The following CPSF6 variants were observed in gnomAD, a reference collection of about 807,000 sequenced individuals.
CPSF6 encodes the protein cleavage and polyadenylation specific factor 6.
CPSF6 carries 10 observed loss-of-function variants against 56.7 expected under a neutral mutation model. That is an observed-to-expected ratio of 0.18 (90% CI 0.11 to 0.30). The LOEUF is 0.30. CPSF6 is among the 10% of genes least tolerant of loss of function. CPSF6 has a pLI of 1.00. For missense variants in CPSF6, 419 were observed against 722.9 expected (o/e 0.58, Z 4.82); for synonymous variants, 248 against 244.8 (o/e 1.01, Z -0.12).
Position 69,274,109 on chromosome 12 carries a change from C to CTTTTTTTTT in CPSF6, c.*4611_*4619dup, listed in dbSNP as rs3051104. The CTTTTTTTTT allele has an allele frequency of 9.2e-4, 109 of 119,006 alleles. 3 individuals carry two copies. The highest frequency in any genetic ancestry group is 1.2e-3 in the Non-Finnish European group (69 of 58,898). The allele number at this position is 119,006 out of a possible 1,614,324, so 7.4% of individuals were successfully genotyped here. On this transcript the variant is annotated 3_prime_UTR_variant, in exon 10 of 10. Transcript: ENST00000435070. ...GTAAGGTGATAATTGATCTAATAGACTTTTTTTTTTTTTTTTTTGCTGTCC... is the reference window on the plus strand; with the variant it reads ...GTAAGGTGATAATTGATCTAATAGACTTTTTTTTTTTTTTTTTTTTTTTTTTTGCTGTCC...
rs2231694 is a variant in CPSF6 at position 69,257,597 on chromosome 12, T to A, written c.521-135T>A. The A allele has an allele frequency of 4.0e-5, 29 of 732,708 alleles. No homozygotes were observed. In the Admixed American group the frequency reaches 7.5e-4, roughly 19 times the overall value. The allele number at this position is 732,708 out of a possible 1,614,324, so 45.4% of individuals were successfully genotyped here. On this transcript the variant is annotated intron_variant, in intron 4 of 9. Coordinates refer to ENST00000435070, the MANE Select transcript of CPSF6 (RefSeq NM_007007.3). Reference sequence around the variant, plus strand: ...GTGAATGTTTTCCTAAACCATACTTTCTTATGTAGTTTGCATAGGCACAAG... The same window carrying A: ...GTGAATGTTTTCCTAAACCATACTTACTTATGTAGTTTGCATAGGCACAAG...
intron 2 of CPSF6, 121 bp downstream of exon 2, chr12:69,251,459 G>C: frequency 1.6e-6 from 1 of 616,778 alleles, no homozygotes. Context: ...ATATGTGTTT[G>C]CTTGTCCAAT....
chr12:69,261,414 AAAT>A (rs943251452), intron 8 of CPSF6, among the ~76,000 whole-genome samples: 13 of 151,324 alleles, frequency 8.6e-5, no homozygotes, highest in African/African-American at 3.0e-4. Flanking sequence ...AAAATTTTAA[AAAT>A]ATCTGGGCCT....
chr12:69,255,853 A>G (rs1872486667), intron 3 of CPSF6, among the ~76,000 whole-genome samples: 1 of 151,994 alleles, frequency 6.6e-6, no homozygotes, highest in African/African-American at 2.4e-5. Context: ...CATCTTTAAT[A>G]CTTGTCTTTT....
intron 2 of CPSF6, 146 bp downstream of exon 2, chr12:69,251,484 A>C (rs976279137): frequency 1.9e-6 from 1 of 536,274 alleles, no homozygotes; most frequent in Non-Finnish European, 3.2e-6. Context: ...AGGGAAATAC[A>C]AATATCTTTG....
In CPSF6 at chr12:69,239,572, A is replaced by T. The variant is rs897732534; in HGVS notation, c.-75A>T. On this transcript the variant is annotated 5_prime_UTR_variant, in exon 1 of 10. Transcript: ENST00000435070. ...ACGCAAGCGCCCCCCCACCGCCGCT[A>T]GATCCGCTGCTGCTGCCGCGGCGGG... is the stretch of plus-strand genomic sequence containing the variant. 13 of 1,496,240 alleles carry T rather than the reference A, an allele frequency of 8.7e-6. No homozygotes were observed. The highest frequency in any genetic ancestry group is 1.2e-5 in the Non-Finnish European group (13 of 1,120,210). The allele number at this position is 1,496,240 out of a possible 1,614,324, so 92.7% of individuals were successfully genotyped here.
At chr12:69,249,153 G>GGGGGGC (rs1555167630) in intron 1 of CPSF6, among the ~76,000 whole-genome samples, 3 of 25,930 alleles carry the variant, frequency 1.2e-4, no homozygotes, top group African/African-American at 3.1e-4. Context: ...CCAGCTACTC[G>GGGGGGC]GGGGGGGGGG....
At chr12:69,257,953 CCTCTTTTCCTTTTCT>C in intron 5 of CPSF6, 48 bp downstream of exon 5, 1 of 1,585,962 alleles carries the variant, frequency 6.3e-7, no homozygotes, top group Non-Finnish European at 8.6e-7. Context: ...CTACCTAATA[CCTCTTTTCCTTTTCT>C]CTCTTTTTCA....
intron 1 of CPSF6, among the ~76,000 whole-genome samples, chr12:69,246,526 A>G (rs542646138): frequency 1.1e-4 from 16 of 152,322 alleles, no homozygotes; most frequent in African/African-American, 3.1e-4. Flanking sequence ...CCTTACCATT[A>G]TATAAGGAAG....
At chr12:69,244,571 T>C (rs1229576507) in intron 1 of CPSF6, among the ~76,000 whole-genome samples, 1 of 151,988 alleles carries the variant, frequency 6.6e-6, no homozygotes, top group Admixed American at 6.5e-5. Context: ...AAAATTAATT[T>C]TATTTTAGAA....
chr12:69,243,381 C>T (rs77682853), intron 1 of CPSF6, among the ~76,000 whole-genome samples: 5,350 of 152,284 alleles, frequency 0.035, 316 homozygotes, highest in African/African-American at 0.12. Context: ...TGTCGCTTCA[C>T]GATGGCGGTA....
At chr12:69,250,818 TG>T (rs1872208001) in intron 1 of CPSF6, among the ~76,000 whole-genome samples, 1 of 151,996 alleles carries the variant, frequency 6.6e-6, no homozygotes, top group South Asian at 2.1e-4. Flanking sequence ...GGCTAATTTT[TG>T]TATGTTTAGT....
chr12:69,257,802 T>G lies in CPSF6; in HGVS notation c.591T>G (p.Phe197Leu), dbSNP rs1872574829. 1 of 1,613,464 alleles carries G rather than the reference T, an allele frequency of 6.2e-7. No homozygotes were observed. The highest frequency in any genetic ancestry group is 1.7e-5 in the Admixed American group (1 of 59,758). ...GPPGGSSRAA[F>L]PQGGRGRGRF... The stretch of plus-strand genomic sequence containing the variant: ...CAGGAGGCAGTTCCCGTGCAGCATT[T>G]CCACAAGGTGGTAGAGGACGGGGCC... Residue 197 changes from phenylalanine to leucine, a missense_variant, in exon 5 of 10, where the codon TTT (phenylalanine) becomes TTG (leucine). Coordinates refer to ENST00000435070, the MANE Select transcript of CPSF6 (RefSeq NM_007007.3).
At position 69,272,171 on chromosome 12, in the gene CPSF6, A is replaced by G. The variant is rs1873277658; in HGVS notation, c.*2663A>G. On this transcript the variant is annotated 3_prime_UTR_variant, in exon 10 of 10. Transcript: ENST00000435070. ...CAGATGTGTGTTTTTTTTTTTTGTC[A>G]CTTTTCATAAGGTTTGGAGTAAGTT... The G allele has an allele frequency of 2.1e-5, 3 of 144,250 alleles. No homozygotes were observed. In the Admixed American group the frequency reaches 2.1e-4, roughly 10 times the overall value. The allele number at this position is 144,250 out of a possible 1,614,324, so 8.9% of individuals were successfully genotyped here. A position where few individuals can be genotyped will look rare whatever the true frequency, so the allele number is the denominator to read the frequency against.
intron 9 of CPSF6, among the ~76,000 whole-genome samples, chr12:69,263,550 A>G (rs1872841971): frequency 6.6e-6 from 1 of 152,110 alleles, no homozygotes; most frequent in South Asian, 2.1e-4. Flanking sequence ...TATTCAAATT[A>G]AATTAAGGCT....
intron 1 of CPSF6, 118 bp from the exon 2 acceptor site, chr12:69,251,011 T>G (rs1367051471): frequency 3.0e-6 from 3 of 987,892 alleles, no homozygotes; most frequent in Non-Finnish European, 4.4e-6. Flanking sequence ...AGATTTGTAC[T>G]GAAATCCTTG....
chr12:69,244,238 T>C (rs1871772627), intron 1 of CPSF6, among the ~76,000 whole-genome samples: 1 of 152,162 alleles, frequency 6.6e-6, no homozygotes, highest in Non-Finnish European at 1.5e-5. Context: ...TTCTTTTTTT[T>C]GTTTTGTTTT....
chr12:69,252,860 A>T (rs139554964), intron 2 of CPSF6, among the ~76,000 whole-genome samples, 191 bp from the exon 3 acceptor site: 1 of 152,310 alleles, frequency 6.6e-6, no homozygotes, highest in Non-Finnish European at 1.5e-5. Flanking sequence ...TTATCAGGGA[A>T]TGAAGTTAGG....
intron 1 of CPSF6, among the ~76,000 whole-genome samples, chr12:69,240,213 G>C (rs923838050): frequency 6.6e-6 from 1 of 152,116 alleles, no homozygotes; most frequent in Non-Finnish European, 1.5e-5. Context: ...CCCTGCCCGC[G>C]CACTGTCGCC....
Sources: allele counts gnomAD v4.1 joint callset (sites outside exome capture counted in the v4.1 genomes callset), GRCh38; gene constraint gnomAD v4.1.1; transcripts MANE v1.5; gene names NCBI Gene and HGNC (gene_info 2026-07-23, HGNC 2026-07-21).